Variants in SCAP observed in about 807,000 individuals in gnomAD.
SCAP encodes the protein SREBF chaperone.
In SCAP, 65 loss-of-function variants were observed where a neutral mutation model predicts 123.6. The observed-to-expected ratio is 0.53, with a 90% CI of 0.43 to 0.65. The LOEUF is 0.65. SCAP is among the 30% of genes least tolerant of loss of function. The pLI is 0.00. For synonymous variants in SCAP, 740 were observed against 726.3 expected, an observed-to-expected ratio of 1.02 and a Z score of -0.30; for missense variants, 1,398 against 1,712.5, an observed-to-expected ratio of 0.82 and a Z score of 3.24.
In SCAP at chr3:47,418,513, C is replaced by T. The variant is rs371849082; in HGVS notation, c.2139G>A (p.Ala713=). 32 of 1,592,046 alleles carry T rather than the reference C, an allele frequency of 2.0e-5. No individual in the cohort carries two copies. Among genetic ancestry groups the T allele is most frequent in the South Asian group, 3.4e-5 (3 of 88,240 alleles). ...HGDVTLYKVA[A]LGLATGIVLV... is the part of the protein sequence containing the mutation. ...AGACGATGCCGGTGGCCAGGCCCAG[C>T]GCCGCCACCCTGCACGGGAGGGCGG... Residue 713 remains alanine, a synonymous_variant, in exon 15 of 23, where the codon GCG becomes GCA. Coordinates refer to ENST00000265565, the MANE Select transcript of SCAP (RefSeq NM_012235.4).
Position 47,414,632 on chromosome 3 carries a change from C to G in SCAP, c.3327G>C (p.Ser1109=). The G allele has an allele frequency of 6.2e-7, 1 of 1,613,336 alleles. No homozygotes were observed. The highest frequency in any genetic ancestry group is 8.5e-7 in the Non-Finnish European group (1 of 1,180,012). The change falls in exon 21 of 23, where the codon TCG becomes TCC. Residue 1109 remains serine (S), a synonymous_variant. Transcript: ENST00000265565. ...HTLRVFRLED[S]CCLFTLQGHS... is the part of the protein sequence containing the mutation. ...GGCCCTGAAGGGTGAAGAGGCAGCA[C>G]GAGTCCTCCAGACGGAACACCTGGG...
In SCAP at chr3:47,419,819, G is replaced by T; in HGVS notation, c.1564-115C>A. The T allele has an allele frequency of 8.1e-7, 1 of 1,240,536 alleles. No individual in the cohort carries two copies. The allele number at this position is 1,240,536 out of a possible 1,614,324, so 76.8% of individuals were successfully genotyped here. On this transcript the variant is annotated intron_variant, in intron 12 of 22. Transcript: ENST00000265565. This position sits in a 1 kb window ranked among gnomAD's most constrained non-coding sequence, Gnocchi z 5.0. ...ACCTCAGGCCTGGGGATGGAGAGAG[G>T]ACACAGGCCCCACTGCGTCCTTTTC...
intron 1 of SCAP, chr3:47,443,300 TCTCTCTC>T (rs1706890469): frequency 6.7e-5 from 14 of 207,606 alleles, no homozygotes; most frequent in South Asian, 1.6e-4. Flanking sequence ...TCTCTCTCTC[TCTCTCTC>T]TCTCCCTCCC....
chr3:47,460,282 T>C (rs1473804600), intron 1 of SCAP, among the ~76,000 whole-genome samples: 1 of 152,178 alleles, frequency 6.6e-6, no homozygotes, highest in Non-Finnish European at 1.5e-5. Context: ...GATTAAGAGA[T>C]TAAAGTAAGA....
Position 47,417,665 on chromosome 3 carries a change from TGG to T in SCAP, c.2607_2608del (p.Asp869GlufsTer3). The T allele has an allele frequency of 6.2e-7, 1 of 1,608,784 alleles. No homozygotes were observed. Among genetic ancestry groups the T allele is most frequent in the Non-Finnish European group, 8.5e-7 (1 of 1,178,594 alleles). On this transcript the variant is annotated frameshift_variant, in exon 17 of 23. Transcript: ENST00000265565. LOFTEE classifies it high-confidence loss of function. ...GTCAATTAAGCAGGTGAGGTCAGGC[TGG>T]TCCCCGAAGAGGGAAGGCGGCGGAG...
rs1576253182 is a variant in SCAP, at chr3:47,419,062, C to T, written c.1941-219G>A. Among the ~76,000 whole-genome samples the T allele has an allele frequency of 2.0e-5, 3 of 152,254 alleles. No homozygotes were observed. In the East Asian group the frequency reaches 5.8e-4, roughly 29 times the overall value. ...ACCAGCACCCAAACAGCCCTGGTGG[C>T]CGTGTGGGGTATCTCCCTCCCCACT... On this transcript the variant is annotated intron_variant, in intron 13 of 22. Transcript: ENST00000265565. This position sits in a 1 kb window ranked among gnomAD's most constrained non-coding sequence, Gnocchi z 5.0.
chr3:47,449,936 A>T lies in SCAP; in HGVS notation c.-98-6845T>A, dbSNP rs1040224538. Among the ~76,000 whole-genome samples, 6 of 122,996 alleles carry T rather than the reference A, an allele frequency of 4.9e-5. 1 individual carries two copies. The highest frequency in any genetic ancestry group is 7.2e-5 in the Non-Finnish European group (4 of 55,684). The allele number at this position is 122,996 out of a possible 152,430, so 80.7% of individuals were successfully genotyped here. Reference sequence around the variant, plus strand: ...TTTACTCCATCTTTATCACATCAGAACTCTTAAATTTTTTTAATGTGATAA... The same window carrying T: ...TTTACTCCATCTTTATCACATCAGATCTCTTAAATTTTTTTAATGTGATAA... On this transcript the variant is annotated intron_variant, in intron 1 of 22. Coordinates refer to ENST00000265565, the MANE Select transcript of SCAP (RefSeq NM_012235.4).
In SCAP at chr3:47,425,671, C is replaced by T. The variant is rs1025792615; in HGVS notation, c.911-60G>A. 3.2e-6 allele frequency: 5 copies of T among 1,583,562 alleles called. No individual in the cohort carries two copies. In the African/African-American group the frequency reaches 4.0e-5, roughly 13 times the overall value. On this transcript the variant is annotated intron_variant, in intron 7 of 22. Coordinates refer to ENST00000265565, the MANE Select transcript of SCAP (RefSeq NM_012235.4). ...TCCCCCAGCCCCCGGCCCACTGGGGCTCCCGGGAGTAGGTTGCCCTGACAG... is the reference window on the plus strand; with the variant it reads ...TCCCCCAGCCCCCGGCCCACTGGGGTTCCCGGGAGTAGGTTGCCCTGACAG...
At chr3:47,475,087 C>T (rs187556606) in intron 1 of SCAP, among the ~76,000 whole-genome samples, 13 of 152,304 alleles carry the variant, frequency 8.5e-5, no homozygotes, top group African/African-American at 2.4e-4. Context: ...CTCCGACTGT[C>T]GCCATACAAG....
At chr3:47,457,592 G>A (rs185135903) in intron 1 of SCAP, among the ~76,000 whole-genome samples, 8 of 152,254 alleles carry the variant, frequency 5.3e-5, no homozygotes, top group East Asian at 3.9e-4. Context: ...GTTGTCAAGC[G>A]GACCAATGCT....
At chr3:47,418,934 G>A in intron 13 of SCAP, 91 bp from the exon 14 acceptor site, 11 of 1,304,846 alleles carry the variant, frequency 8.4e-6, no homozygotes, top group Non-Finnish European at 1.1e-5. Flanking sequence ...TCCTCCCCAG[G>A]CAGGCCTCAG....
intron 14 of SCAP, 30 bp from the exon 15 acceptor site, chr3:47,418,552 A>T (rs1160215983): frequency 6.4e-7 from 1 of 1,566,600 alleles, no homozygotes; most frequent in Admixed American, 1.9e-5. Context: ...GCTGTGAGAC[A>T]CACCTCACAG....
intron 2 of SCAP, among the ~76,000 whole-genome samples, chr3:47,435,439 T>C (rs548827020): frequency 5.3e-5 from 8 of 150,622 alleles, no homozygotes; most frequent in Non-Finnish European, 7.4e-5. Context: ...TATAACATTA[T>C]ATATAACATT....
At chr3:47,435,696 T>C (rs1396302244) in intron 2 of SCAP, among the ~76,000 whole-genome samples, 1 of 152,112 alleles carries the variant, frequency 6.6e-6, no homozygotes, top group East Asian at 1.9e-4. Context: ...AGTTTATACA[T>C]TTAATGAGTA....
At chr3:47,476,385 C>T (rs185043601), upstream of SCAP, among the ~76,000 whole-genome samples, 1 of 152,128 alleles carries the variant, frequency 6.6e-6, no homozygotes, top group East Asian at 1.9e-4. Context: ...CACCTGAGCC[C>T]GGGAGGTCGA....
chr3:47,460,768 G>T (rs1469253408), intron 1 of SCAP, among the ~76,000 whole-genome samples: 1 of 152,110 alleles, frequency 6.6e-6, no homozygotes, highest in Non-Finnish European at 1.5e-5. Context: ...ATCCTGGCCA[G>T]GCTGGTCTTG....
intron 10 of SCAP, among the ~76,000 whole-genome samples, chr3:47,421,799 A>C (rs1285099377): frequency 1.3e-5 from 2 of 152,196 alleles, no homozygotes; most frequent in African/African-American, 4.8e-5. Flanking sequence ...GACGGGCGAG[A>C]AAAGATGGCA....
intron 3 of SCAP, among the ~76,000 whole-genome samples, chr3:47,432,828 C>T (rs1706421944): frequency 6.6e-6 from 1 of 152,278 alleles, no homozygotes; most frequent in East Asian, 1.9e-4. Flanking sequence ...CCACTGCACC[C>T]GGCCCTATTG....
chr3:47,419,532 A>T lies in SCAP; in HGVS notation c.1736T>A (p.Ile579Asn), dbSNP rs1394173831. The change falls in exon 13 of 23, where the codon ATC (isoleucine) becomes AAC (asparagine). Residue 579 changes from isoleucine (I) to asparagine (N), a missense_variant. This residue lies in a region of SCAP where 828 missense variants were observed against 882.5 expected (regional missense o/e 0.94). Coordinates refer to ENST00000265565, the MANE Select transcript of SCAP (RefSeq NM_012235.4). This position sits in a 1 kb window ranked among gnomAD's most constrained non-coding sequence, Gnocchi z 5.0. ...TAGCTTAGGGGCATCAGGTGGGAAG[A>T]TGGAGAAGGCAGGGTCCGGGTGGCT... Reference protein sequence around the residue: ...PPSHPDPAFSIFPPDAPKLPE... With the variant: ...PPSHPDPAFSNFPPDAPKLPE... 2 of 1,613,894 alleles carry T rather than the reference A, an allele frequency of 1.2e-6. No homozygotes were observed.
Sources: allele counts gnomAD v4.1 joint callset (sites outside exome capture counted in the v4.1 genomes callset), GRCh38; gene constraint gnomAD v4.1.1; regional missense constraint gnomAD v4.1.1; non-coding constraint Gnocchi (gnomAD v3.1); transcripts MANE v1.5; gene names NCBI Gene and HGNC (gene_info 2026-07-23, HGNC 2026-07-21).